CDK13: variants seen among roughly 807,000 people sequenced by gnomAD.
CDK13 encodes the protein cyclin-dependent kinase 13.
CDK13 carries 40 observed loss-of-function variants against 137.6 expected under a neutral mutation model. The observed-to-expected ratio is 0.29, with a 90% CI of 0.23 to 0.38. CDK13 has a LOEUF of 0.38. Among genes scored for constraint, CDK13 ranks in the 10% least tolerant of loss-of-function variants. The pLI is 1.00. For synonymous variants in CDK13, 869 were observed against 760.1 expected, an observed-to-expected ratio of 1.14 and a Z score of -2.36; for missense variants, 1,704 against 1,951.8, an observed-to-expected ratio of 0.87 and a Z score of 2.39.
At chr7:40,065,286 C>CT (rs1786256016) in intron 9 of CDK13, among the ~76,000 whole-genome samples, 2 of 151,848 alleles carry the variant, frequency 1.3e-5, no homozygotes. Flanking sequence ...AACATGGAAA[C>CT]AACAAAGTCT....
chr7:39,983,013 T>C (rs919649926), intron 1 of CDK13, among the ~76,000 whole-genome samples: 8 of 152,206 alleles, frequency 5.3e-5, no homozygotes, highest in Non-Finnish European at 1.0e-4. Flanking sequence ...AGAAGCTCTT[T>C]AGTTTAATTA....
intron 12 of CDK13, among the ~76,000 whole-genome samples, chr7:40,090,553 C>T (rs1786898016): frequency 6.6e-6 from 1 of 152,028 alleles, no homozygotes; most frequent in South Asian, 2.1e-4. Flanking sequence ...GAGGTTTTGC[C>T]ATGTTGGCCA....
intron 1 of CDK13, among the ~76,000 whole-genome samples, chr7:39,965,104 AT>A (rs1783838365): frequency 6.6e-6 from 1 of 152,122 alleles, no homozygotes; most frequent in South Asian, 2.1e-4. Context: ...TATTCTGTTG[AT>A]TTGGGGTGGA....
intron 5 of CDK13, among the ~76,000 whole-genome samples, chr7:40,016,875 T>A (rs1182966654): frequency 6.6e-6 from 1 of 152,150 alleles, no homozygotes; most frequent in African/African-American, 2.4e-5. Flanking sequence ...ATTATAAAAT[T>A]ATATTTGGTT....
rs186384724 is a variant in CDK13, at chr7:40,017,346, A to T, written c.2353+15315A>T. 4.3e-3 allele frequency among the ~76,000 whole-genome samples: 660 copies of T among 152,210 alleles called. 5 individuals are homozygous for T. The highest frequency in any genetic ancestry group is 0.015 in the African/African-American group (622 of 41,570). On this transcript the variant is annotated intron_variant, in intron 5 of 13. Transcript: ENST00000181839. The stretch of plus-strand genomic sequence containing the variant: ...CTGGAATTGCTAGTTAGATGATACA[A>T]TTCTTTTGTATATTAATAGTTATAG...
intron 1 of CDK13, among the ~76,000 whole-genome samples, chr7:39,959,096 C>A (rs112417315): frequency 0.022 from 3,374 of 152,036 alleles, 113 homozygotes; most frequent in African/African-American, 0.078. Flanking sequence ...TGCCTGGCAC[C>A]ATTATCGTTT....
chr7:40,074,676 TTAGA>T (rs1786502965), intron 9 of CDK13, among the ~76,000 whole-genome samples: 1 of 151,616 alleles, frequency 6.6e-6, no homozygotes, highest in African/African-American at 2.4e-5. Flanking sequence ...GGGTCTCAAA[TTAGA>T]TGGATGTAGT....
intron 1 of CDK13, among the ~76,000 whole-genome samples, chr7:39,979,725 T>C (rs1024548699): frequency 3.9e-5 from 6 of 152,200 alleles, no homozygotes; most frequent in African/African-American, 1.2e-4. Flanking sequence ...TTCGTAGATA[T>C]GATTAAATTA....
chr7:40,001,618 C>A (rs889088344), intron 4 of CDK13, among the ~76,000 whole-genome samples: 1 of 152,046 alleles, frequency 6.6e-6, no homozygotes, highest in African/African-American at 2.4e-5. Flanking sequence ...TTTGGACTTA[C>A]CTCATTCTTT....
intron 1 of CDK13, among the ~76,000 whole-genome samples, chr7:39,957,048 C>T (rs1330225578): frequency 2.6e-5 from 4 of 152,010 alleles, no homozygotes; most frequent in Non-Finnish European, 4.4e-5. Context: ...TGCTCTTCAT[C>T]TCCAGCTTTG....
chr7:39,965,565 T>G (rs1191868151), intron 1 of CDK13, among the ~76,000 whole-genome samples: 1 of 152,210 alleles, frequency 6.6e-6, no homozygotes, highest in Non-Finnish European at 1.5e-5. Flanking sequence ...TCTTGACTCT[T>G]TATCCAATTT....
In CDK13 at chr7:39,988,161, G is replaced by A; in HGVS notation, c.1774G>A (p.Gly592Arg). 6.2e-7 allele frequency: 1 copy of A among 1,614,058 alleles called. No individual in the cohort carries two copies. The highest frequency in any genetic ancestry group is 2.2e-5 in the East Asian group (1 of 44,874). ...EKTKPLTPSI[G>R]AKEKEQHVAL... is the part of the protein sequence containing the mutation. Reference sequence around the variant, plus strand: ...AACCAAACCACTTACACCAAGCATAGGAGCCAAGGAGAAGGAGCAACATGT... The same window carrying A: ...AACCAAACCACTTACACCAAGCATAAGAGCCAAGGAGAAGGAGCAACATGT... The change falls in exon 2 of 14, where the codon GGA becomes AGA. Residue 592 changes from glycine to arginine, a missense_variant. This residue lies in a region of CDK13 where 1,051 missense variants were observed against 931.0 expected (regional missense o/e 1.13). Transcript: ENST00000181839.
intron 7 of CDK13, among the ~76,000 whole-genome samples, chr7:40,059,704 GAT>G (rs1283559339): frequency 6.6e-6 from 1 of 152,174 alleles, no homozygotes; most frequent in Admixed American, 6.5e-5. Flanking sequence ...TCAATGAACA[GAT>G]AGTCTTTGAT....
chr7:39,956,935 G>T (rs886478400), intron 1 of CDK13, among the ~76,000 whole-genome samples: 1 of 151,628 alleles, frequency 6.6e-6, no homozygotes, highest in Non-Finnish European at 1.5e-5. Flanking sequence ...TTATGATCTG[G>T]CTCCATTCTA....
intron 9 of CDK13, 43 bp from the exon 10 acceptor site, chr7:40,077,962 T>C (rs1364713797): frequency 1.2e-6 from 1 of 820,166 alleles, no homozygotes. Flanking sequence ...ATGTATTCTT[T>C]ATGTAGTTGA....
intron 1 of CDK13, chr7:39,985,513 A>C (rs1163528075): frequency 6.6e-6 from 1 of 152,062 alleles, no homozygotes; most frequent in Non-Finnish European, 1.5e-5. Context: ...CCGAATTATA[A>C]GATAGCTCTA....
Position 39,962,438 on chromosome 7 carries a change from C to T in CDK13, c.1211+10586C>T, listed in dbSNP as rs572822745. On this transcript the variant is annotated intron_variant, in intron 1 of 13. Transcript: ENST00000181839. Reference sequence around the variant, plus strand: ...TTTTGGCTGCATAAATGTCTTCTTTCGAGAAGTGTCTGTTCATATCCTTCG... The same window carrying T: ...TTTTGGCTGCATAAATGTCTTCTTTTGAGAAGTGTCTGTTCATATCCTTCG... Among the ~76,000 whole-genome samples, 69 of 152,228 alleles carry T rather than the reference C, an allele frequency of 4.5e-4. No homozygotes were observed. In the South Asian group the frequency reaches 5.2e-3, roughly 11 times the overall value.
At chr7:40,064,940 C>T (rs954751912) in intron 9 of CDK13, among the ~76,000 whole-genome samples, 1 of 144,952 alleles carries the variant, frequency 6.9e-6, no homozygotes, top group East Asian at 2.1e-4. Context: ...CACAGGCATG[C>T]ACCACCATGC....
rs1052462782 is a variant in CDK13, at chr7:39,989,398, AT to A, written c.1871+1153del. 3.0e-3 allele frequency among the ~76,000 whole-genome samples: 433 copies of A among 144,236 alleles called. 2 individuals carry two copies. Among genetic ancestry groups the A allele is most frequent in the South Asian group, 0.014 (63 of 4,574 alleles). The allele number at this position is 144,236 out of a possible 152,430, so 94.6% of individuals were successfully genotyped here. On this transcript the variant is annotated intron_variant, in intron 2 of 13. Coordinates refer to ENST00000181839, the MANE Select transcript of CDK13 (RefSeq NM_003718.5). ...ACTATATGAGTAGTTTTCCTAGCTG[AT>A]TTTTTTTTTTTTAATAGATTTTGAA...
Sources: gnomAD v4.1 joint callset for allele counts (sites outside exome capture counted in the v4.1 genomes callset) on GRCh38, gnomAD v4.1.1 for gene constraint, gnomAD v4.1.1 regional missense constraint, MANE v1.5 for transcripts, NCBI Gene and HGNC (gene_info 2026-07-23, HGNC 2026-07-21) for gene names.